The following UNC5D variants were observed in gnomAD, a reference collection of about 807,000 sequenced individuals.
UNC5D encodes the protein netrin receptor UNC5D.
A neutral mutation model predicts 105.4 loss-of-function variants in UNC5D; 39 were observed. The ratio of observed to expected loss-of-function variants is 0.37; its 90% CI spans 0.29 to 0.48. The LOEUF is 0.48. Ranked by LOEUF, UNC5D falls within the 20% of genes least tolerant of loss-of-function variation. UNC5D has a pLI of 0.98. For synonymous variants in UNC5D, 452 were observed against 450.4 expected, an observed-to-expected ratio of 1.00 and a Z score of -0.04; for missense variants, 991 against 1,202.4, an observed-to-expected ratio of 0.82 and a Z score of 2.60.
rs189506242 is a variant in UNC5D at position 35,591,101 on chromosome 8, T to C, written c.467-4453T>C. Among the ~76,000 whole-genome samples, 341 of 152,268 alleles carry C rather than the reference T, an allele frequency of 2.2e-3. 2 individuals are homozygous for C. Among genetic ancestry groups the C allele is most frequent in the African/African-American group, 7.9e-3 (327 of 41,558 alleles). The stretch of plus-strand genomic sequence containing the variant: ...AATTATTGCATTGAGTTGTTTTTCA[T>C]TGGTTAGTTTATTTTACAAGGTAAT... On this transcript the variant is annotated intron_variant, in intron 3 of 16. Coordinates refer to ENST00000404895, the MANE Select transcript of UNC5D (RefSeq NM_080872.4).
At chr8:35,746,323 C>T (rs1336963769) in intron 11 of UNC5D, among the ~76,000 whole-genome samples, 1 of 152,042 alleles carries the variant, frequency 6.6e-6, no homozygotes, top group Non-Finnish European at 1.5e-5. Flanking sequence ...CTGATTGTTA[C>T]AGGTAGAAGG....
intron 1 of UNC5D, among the ~76,000 whole-genome samples, chr8:35,354,960 A>G (rs1216175148): frequency 1.3e-5 from 2 of 152,132 alleles, no homozygotes; most frequent in Admixed American, 1.3e-4. Context: ...CAGTGCTATC[A>G]GGGTAGTCAT....
chr8:35,538,314 G>T (rs1368938573), intron 1 of UNC5D, among the ~76,000 whole-genome samples: 1 of 149,896 alleles, frequency 6.7e-6, no homozygotes, highest in Non-Finnish European at 1.5e-5. Context: ...AGGTGGTGAA[G>T]TGATTAGGCA....
chr8:35,455,484 G>A (rs1161517459), intron 1 of UNC5D, among the ~76,000 whole-genome samples: 1 of 151,844 alleles, frequency 6.6e-6, no homozygotes, highest in African/African-American at 2.4e-5. Context: ...TTGCCATATT[G>A]GCCAGGTTGG....
At chr8:35,592,792 A>G (rs915203689) in intron 3 of UNC5D, among the ~76,000 whole-genome samples, 1 of 152,108 alleles carries the variant, frequency 6.6e-6, no homozygotes, top group African/African-American at 2.4e-5. Context: ...CCAGATATAT[A>G]TAGTGCCCTA....
chr8:35,351,655 C>G (rs1191663977), intron 1 of UNC5D, among the ~76,000 whole-genome samples: 2 of 152,108 alleles, frequency 1.3e-5, no homozygotes, highest in Non-Finnish European at 2.9e-5. Context: ...ATATTTGCCA[C>G]CTTAAAAAAG....
chr8:35,427,468 A>G (rs529541634), intron 1 of UNC5D, among the ~76,000 whole-genome samples: 52 of 152,344 alleles, frequency 3.4e-4, no homozygotes, highest in African/African-American at 1.1e-3. Context: ...ATTATCAGTG[A>G]ATTCCCCATG....
intron 1 of UNC5D, among the ~76,000 whole-genome samples, chr8:35,298,614 T>C (rs997568992): frequency 2.2e-5 from 3 of 138,024 alleles, no homozygotes; most frequent in Non-Finnish European, 4.7e-5. Context: ...TTTTGGATAC[T>C]GCAAGGCGGG....
At chr8:35,684,469 T>C (rs1825878107) in intron 5 of UNC5D, 113 bp from the exon 6 acceptor site, 2 of 1,318,956 alleles carry the variant, frequency 1.5e-6, no homozygotes, top group South Asian at 3.1e-5. Context: ...CTGCACAGTC[T>C]CTCGGTCCCT....
At chr8:35,392,214 TC>T (rs1803821250) in intron 1 of UNC5D, among the ~76,000 whole-genome samples, 1 of 152,140 alleles carries the variant, frequency 6.6e-6, no homozygotes, top group Admixed American at 6.5e-5. Flanking sequence ...GATCTCTCCC[TC>T]CACTTTTCGT....
chr8:35,452,560 G>T (rs545202440), intron 1 of UNC5D, among the ~76,000 whole-genome samples: 1 of 152,040 alleles, frequency 6.6e-6, no homozygotes, highest in Non-Finnish European at 1.5e-5. Flanking sequence ...CACCGTGCCC[G>T]GCCTAATATC....
At chr8:35,239,709 C>T (rs1436029369) in intron 1 of UNC5D, among the ~76,000 whole-genome samples, 1 of 152,006 alleles carries the variant, frequency 6.6e-6, no homozygotes, top group Non-Finnish European at 1.5e-5. Flanking sequence ...GTCCCTTCGT[C>T]CAGGCTGTTA....
At chr8:35,643,858 G>C (rs1822897432) in intron 4 of UNC5D, among the ~76,000 whole-genome samples, 1 of 152,104 alleles carries the variant, frequency 6.6e-6, no homozygotes. Context: ...AAAACTAGAG[G>C]TATGATTAAA....
chr8:35,502,481 A>G (rs891037289), intron 1 of UNC5D, among the ~76,000 whole-genome samples: 1 of 152,210 alleles, frequency 6.6e-6, no homozygotes, highest in Non-Finnish European at 1.5e-5. Flanking sequence ...TATTTCAAAT[A>G]AAATATCTCA....
chr8:35,291,692 A>T (rs1177971207), intron 1 of UNC5D, among the ~76,000 whole-genome samples: 2 of 152,114 alleles, frequency 1.3e-5, no homozygotes, highest in South Asian at 4.1e-4. Flanking sequence ...AGGACATTCC[A>T]CTTCTGATAC....
chr8:35,402,260 G>A (rs1036129571), intron 1 of UNC5D, among the ~76,000 whole-genome samples: 1 of 152,134 alleles, frequency 6.6e-6, no homozygotes, highest in Non-Finnish European at 1.5e-5. Context: ...AAGAAAAAGA[G>A]GTTTAATGAA....
At chr8:35,691,649 A>T (rs189895453) in intron 7 of UNC5D, among the ~76,000 whole-genome samples, 3 of 152,176 alleles carry the variant, frequency 2.0e-5, no homozygotes, top group Non-Finnish European at 4.4e-5. Flanking sequence ...ATGATGTGGT[A>T]TGACTGTCAA....
chr8:35,633,111 C>T (rs1822144193), intron 4 of UNC5D, among the ~76,000 whole-genome samples: 1 of 152,308 alleles, frequency 6.6e-6, no homozygotes, highest in African/African-American at 2.4e-5. Context: ...CCCAATAGCA[C>T]CCCTGACAGT....
rs190627931 is a variant in UNC5D, at chr8:35,299,086, G to T, written c.103+63199G>T. Among the ~76,000 whole-genome samples, 49 of 152,310 alleles carry T rather than the reference G, an allele frequency of 3.2e-4. 2 individuals are homozygous for T. The highest frequency in any genetic ancestry group is 3.4e-3 in the Middle Eastern group (1 of 294). ...ACCATGGTGGGTTCAGTGCAGTCAGGATGGTGTGAATGAAGAACTTCTAGA... is the reference window on the plus strand; with the variant it reads ...ACCATGGTGGGTTCAGTGCAGTCAGTATGGTGTGAATGAAGAACTTCTAGA... On this transcript the variant is annotated intron_variant, in intron 1 of 16. Coordinates refer to ENST00000404895, the MANE Select transcript of UNC5D (RefSeq NM_080872.4).
Sources: gnomAD v4.1 joint callset for allele counts (sites outside exome capture counted in the v4.1 genomes callset) on GRCh38, gnomAD v4.1.1 for gene constraint, MANE v1.5 for transcripts, NCBI Gene and HGNC (gene_info 2026-07-23, HGNC 2026-07-21) for gene names.